The following EBF1 variants were observed in gnomAD, a reference collection of about 807,000 sequenced individuals.
EBF1 encodes the protein transcription factor COE1.
In EBF1, 10 loss-of-function variants were observed where a neutral mutation model predicts 68.4. The observed-to-expected ratio is 0.15, with a 90% confidence interval of 0.09 to 0.25. The LOEUF (loss-of-function observed/expected upper bound fraction) is 0.25. Among genes scored for constraint, EBF1 ranks in the 10% least tolerant of loss-of-function variants. The pLI is 1.00. For missense variants in EBF1, 509 were observed against 794.4 expected (o/e 0.64, Z 4.32); for synonymous variants, 298 against 299.8 (o/e 0.99, Z 0.06).
At chr5:159,092,063 A>G (rs1024945623) in intron 4 of EBF1, among the ~76,000 whole-genome samples, 2 of 152,204 alleles carry the variant, frequency 1.3e-5, no homozygotes, top group African/African-American at 4.8e-5. Flanking sequence ...ATAACTCACT[A>G]TAGCAATCAC....
chr5:159,071,381 G>A (rs1196374577), intron 6 of EBF1, among the ~76,000 whole-genome samples: 1 of 152,106 alleles, frequency 6.6e-6, no homozygotes, highest in Non-Finnish European at 1.5e-5. Context: ...AAAATGAAAA[G>A]GATAAATGTC....
intron 8 of EBF1, among the ~76,000 whole-genome samples, chr5:158,805,700 C>G (rs570549615): frequency 6.6e-6 from 1 of 152,024 alleles, no homozygotes; most frequent in East Asian, 1.9e-4. Flanking sequence ...TCATTCAATT[C>G]ACTATTGTAA....
Position 158,948,146 on chromosome 5 carries a change from G to A in EBF1, c.555-108036C>T, listed in dbSNP as rs1025715423. Among the ~76,000 whole-genome samples, 6 of 152,272 alleles carry A rather than the reference G, an allele frequency of 3.9e-5. No homozygotes were observed. The South Asian group carries it at 1.2e-3, about 32-fold the overall frequency. On this transcript the variant is annotated intron_variant, in intron 6 of 15. Transcript: ENST00000313708. Reference sequence around the variant, plus strand: ...TCCTGCATCGGGGTGGAGGGTACGGGTGGGTGTGTCAAAACATCACTACAT... The same window carrying A: ...TCCTGCATCGGGGTGGAGGGTACGGATGGGTGTGTCAAAACATCACTACAT...
intron 6 of EBF1, among the ~76,000 whole-genome samples, chr5:158,924,736 C>T (rs1465985447): frequency 1.3e-5 from 2 of 151,360 alleles, no homozygotes; most frequent in African/African-American, 4.9e-5. Flanking sequence ...GCCTGTAGTC[C>T]CAGCTACTCC....
At chr5:158,826,645 G>A (rs889406073) in intron 7 of EBF1, among the ~76,000 whole-genome samples, 3 of 152,160 alleles carry the variant, frequency 2.0e-5, no homozygotes, top group Admixed American at 6.5e-5. Flanking sequence ...AGGGGGCTTT[G>A]CTTCTTAATG....
Position 159,012,929 on chromosome 5 carries a change from C to T in EBF1, c.554+60467G>A, listed in dbSNP as rs528619470. On this transcript the variant is annotated intron_variant, in intron 6 of 15. Transcript: ENST00000313708. ...CAGACATGCCCAGGGGAAGACCATG[C>T]AAAGGCACTGGAAGAAGACGGCGTC... 3.8e-3 allele frequency among the ~76,000 whole-genome samples: 581 copies of T among 152,252 alleles called. 6 individuals are homozygous for T. Among genetic ancestry groups the T allele is most frequent in the African/African-American group, 0.013 (556 of 41,522 alleles).
chr5:158,881,809 GACTGGAAGGTTAC>G, intron 6 of EBF1, among the ~76,000 whole-genome samples: 1 of 152,290 alleles, frequency 6.6e-6, no homozygotes, highest in African/African-American at 2.4e-5. Flanking sequence ...GCTCAGGGAG[GACTGGAAGGTTAC>G]ACTGCACCCC....
At chr5:158,851,330 G>C (rs1792603981) in intron 6 of EBF1, among the ~76,000 whole-genome samples, 1 of 146,064 alleles carries the variant, frequency 6.8e-6, no homozygotes, top group Non-Finnish European at 1.5e-5. Context: ...AGCTGAGACT[G>C]GGTGACAGAG....
At chr5:159,078,627 G>C (rs895679359) in intron 5 of EBF1, among the ~76,000 whole-genome samples, 1 of 152,160 alleles carries the variant, frequency 6.6e-6, no homozygotes, top group African/African-American at 2.4e-5. Flanking sequence ...TTTGCTGCCA[G>C]GGTAAGATTT....
intron 10 of EBF1, among the ~76,000 whole-genome samples, chr5:158,733,908 T>A (rs1764636287): frequency 6.6e-6 from 1 of 152,154 alleles, no homozygotes; most frequent in Admixed American, 6.5e-5. Context: ...AACCAATTAC[T>A]GACTGTGGGG....
intron 9 of EBF1, among the ~76,000 whole-genome samples, chr5:158,790,961 CAG>C (rs1778471911): frequency 1.3e-5 from 2 of 152,256 alleles, no homozygotes; most frequent in African/African-American, 4.8e-5. Flanking sequence ...AGAAAAGGAG[CAG>C]TTTCCACCTG....
At chr5:159,059,332 T>G (rs188683682) in intron 6 of EBF1, among the ~76,000 whole-genome samples, 20 of 152,270 alleles carry the variant, frequency 1.3e-4, no homozygotes, top group African/African-American at 4.1e-4. Context: ...TGCAGAAACA[T>G]TTTTAAGCCA....
rs1309834096 is a variant in EBF1, at chr5:158,823,335, A to G, written c.637-18T>C. The G allele has an allele frequency of 4.1e-5, 65 of 1,593,944 alleles. No individual in the cohort carries two copies. The highest frequency in any genetic ancestry group is 5.3e-5 in the Non-Finnish European group (62 of 1,170,006). ...ACCACGACCTGGAGACATAAGAAAGAAATGAATGAACATTTTAATATAAAA... is the reference window on the plus strand; with the variant it reads ...ACCACGACCTGGAGACATAAGAAAGGAATGAATGAACATTTTAATATAAAA... On this transcript the variant is annotated intron_variant, in intron 7 of 15. Coordinates refer to ENST00000313708, the MANE Select transcript of EBF1 (RefSeq NM_024007.5).
intron 6 of EBF1, among the ~76,000 whole-genome samples, chr5:159,010,101 G>T (rs1764322672): frequency 6.6e-6 from 1 of 152,174 alleles, no homozygotes; most frequent in Admixed American, 6.5e-5. Context: ...AAAGTATACA[G>T]CCCGAAAGAG....
At chr5:159,038,286 G>A (rs1461006879) in intron 6 of EBF1, among the ~76,000 whole-genome samples, 2 of 152,188 alleles carry the variant, frequency 1.3e-5, no homozygotes, top group East Asian at 1.9e-4. Context: ...AATGAGGGGG[G>A]AAACCCACCC....
chr5:159,073,563 A>T, intron 5 of EBF1, 99 bp from the exon 6 acceptor site: 1 of 1,296,702 alleles, frequency 7.7e-7, no homozygotes, highest in Non-Finnish European at 1.1e-6. Flanking sequence ...CAAATGCTAG[A>T]ATTACCACAA....
intron 4 of EBF1, 21 bp downstream of exon 4, chr5:159,095,599 G>T (rs763863883): frequency 5.6e-6 from 9 of 1,613,456 alleles, no homozygotes; most frequent in Non-Finnish European, 7.6e-6. Context: ...GCCCCCCGTG[G>T]CCCAAAATCA....
At chr5:158,736,153 G>T (rs536226317) in intron 10 of EBF1, among the ~76,000 whole-genome samples, 2 of 152,222 alleles carry the variant, frequency 1.3e-5, no homozygotes, top group African/African-American at 4.8e-5. Flanking sequence ...CTCTGTAAGG[G>T]GGTATATTTG....
chr5:158,724,420 T>C (rs1043294373), intron 11 of EBF1, among the ~76,000 whole-genome samples: 1 of 152,194 alleles, frequency 6.6e-6, no homozygotes, highest in African/African-American at 2.4e-5. Context: ...AAACCCTTAG[T>C]CATCTCCCTT....
Sources: gnomAD v4.1 joint callset for allele counts (sites outside exome capture counted in the v4.1 genomes callset) on GRCh38, gnomAD v4.1.1 for gene constraint, MANE v1.5 for transcripts, NCBI Gene and HGNC (gene_info 2026-07-23, HGNC 2026-07-21) for gene names.